The following PLEKHA8 variants were observed in gnomAD, a reference collection of about 807,000 sequenced individuals.
The protein encoded by PLEKHA8 is pleckstrin homology domain-containing family A member 8.
A neutral mutation model predicts 68.2 loss-of-function variants in PLEKHA8; 36 were observed. The observed-to-expected ratio is 0.53, with a 90% CI of 0.40 to 0.70. The LOEUF (loss-of-function observed/expected upper bound fraction) is 0.70. PLEKHA8 is among the 30% of genes least tolerant of loss of function. The probability of loss-of-function intolerance (pLI) is 0.00; values close to 1 mark genes in which losing one functional copy is unlikely to be tolerated. For missense variants in PLEKHA8, 505 were observed against 615.4 expected (o/e 0.82, Z 1.90); for synonymous variants, 211 against 216.1 (o/e 0.98, Z 0.20).
intron 1 of PLEKHA8, among the ~76,000 whole-genome samples, chr7:30,034,010 CTTTTTTTTTTTTTTTTTTT>C (rs56796780): frequency 1.0e-3 from 35 of 34,632 alleles, no homozygotes; most frequent in Non-Finnish European, 1.4e-3. Flanking sequence ...TAAGAGGTTT[CTTTTTTTTTTTTTTTTTTT>C]TTTTTTTTTT....
Position 30,083,056 on chromosome 7 carries a change from T to G in PLEKHA8, c.*4269T>G. 1 of 981,794 alleles carries G rather than the reference T, an allele frequency of 1.0e-6. No individual in the cohort carries two copies. The highest frequency in any genetic ancestry group is 1.2e-6 in the Non-Finnish European group (1 of 826,654). 60.8% of individuals were successfully genotyped at this position (981,794 alleles called of 1,614,324 possible). ...TTTAAGATAATCTATCAACCTTTTT[T>G]AAATTTTAAAATTTTTAGATGTAGA... On this transcript the variant is annotated 3_prime_UTR_variant, in exon 14 of 14. Coordinates refer to ENST00000449726, the MANE Select transcript of PLEKHA8 (RefSeq NM_001197026.2).
chr7:30,128,111 T>TA (rs1554283714), intron 13 of PLEKHA8, among the ~76,000 whole-genome samples: 3 of 124,980 alleles, frequency 2.4e-5, no homozygotes, highest in African/African-American at 8.5e-5. Context: ...TTTTTTTTTT[T>TA]ACTTATTTAT....
chr7:30,095,075 G>T (rs1335290493), downstream of PLEKHA8, among the ~76,000 whole-genome samples: 1 of 152,140 alleles, frequency 6.6e-6, no homozygotes, highest in Non-Finnish European at 1.5e-5. Flanking sequence ...GGTATTTCTA[G>T]TTCTAGATCC....
chr7:30,083,796 A>G lies in PLEKHA8; in HGVS notation c.*5009A>G, dbSNP rs1795059160. ...CTTGTTCTAAATAGTTCATATATTTAAAGTGTGGTCAGTATTTCCTCCCTG... is the reference window on the plus strand; with the variant it reads ...CTTGTTCTAAATAGTTCATATATTTGAAGTGTGGTCAGTATTTCCTCCCTG... On this transcript the variant is annotated 3_prime_UTR_variant, in exon 14 of 14. Transcript: ENST00000449726. 5 of 985,282 alleles carry G rather than the reference A, an allele frequency of 5.1e-6. No individual in the cohort carries two copies. In the Admixed American group the frequency reaches 2.5e-4, roughly 48 times the overall value. 61.0% of individuals were successfully genotyped at this position (985,282 alleles called of 1,614,324 possible). A position where few individuals can be genotyped will look rare whatever the true frequency, so the allele number is the denominator to read the frequency against.
chr7:30,052,982 G>A, intron 7 of PLEKHA8, 116 bp downstream of exon 7: 2 of 784,318 alleles, frequency 2.5e-6, no homozygotes, highest in Non-Finnish European at 3.9e-6. Flanking sequence ...TGTCTGCTAA[G>A]GAGGATATTG....
intron 13 of PLEKHA8, among the ~76,000 whole-genome samples, chr7:30,123,281 A>C (rs1420214259): frequency 6.6e-6 from 1 of 152,256 alleles, no homozygotes; most frequent in Non-Finnish European, 1.5e-5. Flanking sequence ...GGTCAAGGTC[A>C]CACAGTTAGG....
At chr7:30,094,863 T>A (rs994525176), downstream of PLEKHA8, among the ~76,000 whole-genome samples, 5 of 152,158 alleles carry the variant, frequency 3.3e-5, no homozygotes, top group Admixed American at 6.5e-5. Flanking sequence ...ATTCATCATT[T>A]TTTATGGCTG....
chr7:30,041,248 T>C (rs1479264557), intron 1 of PLEKHA8, among the ~76,000 whole-genome samples: 1 of 152,182 alleles, frequency 6.6e-6, no homozygotes, highest in Admixed American at 6.5e-5. Context: ...TGCAAGAATT[T>C]TGTGCTTATA....
chr7:30,116,207 T>C (rs1454616070), intron 13 of PLEKHA8, among the ~76,000 whole-genome samples: 1 of 150,450 alleles, frequency 6.6e-6, no homozygotes, highest in Non-Finnish European at 1.5e-5. Flanking sequence ...CACGTATACA[T>C]GTATACATAT....
At chr7:30,090,010 G>T (rs1210706582) in intron 12 of PLEKHA8, 2 of 708,660 alleles carry the variant, frequency 2.8e-6, no homozygotes, top group Non-Finnish European at 4.5e-6. Context: ...ATAAATGTAG[G>T]AGTATCGAGA....
At chr7:30,029,251 G>A (rs184240213) in intron 1 of PLEKHA8, among the ~76,000 whole-genome samples, 3 of 152,216 alleles carry the variant, frequency 2.0e-5, no homozygotes, top group African/African-American at 7.2e-5. Context: ...CTTTATCAAA[G>A]TCCTCAGTGC....
chr7:30,050,895 T>C (rs1410528750), intron 6 of PLEKHA8: 1 of 152,540 alleles, frequency 6.6e-6, no homozygotes, highest in Non-Finnish European at 1.5e-5. Context: ...TAACCTACTA[T>C]CAAAATCTAA....
chr7:30,115,949 CGCATACATGCAT>C (rs1415484527), intron 13 of PLEKHA8: 1 of 124,222 alleles, frequency 8.1e-6, no homozygotes, highest in Non-Finnish European at 1.8e-5. Flanking sequence ...TGCACACATA[CGCATACATGCAT>C]GCATACATGT....
chr7:30,035,478 A>G (rs967043840), intron 1 of PLEKHA8, among the ~76,000 whole-genome samples: 1 of 151,858 alleles, frequency 6.6e-6, no homozygotes, highest in Non-Finnish European at 1.5e-5. Flanking sequence ...TCAGCTTTCT[A>G]TTTGCAAATT....
At chr7:30,110,430 T>C (rs1796234383) in intron 13 of PLEKHA8, among the ~76,000 whole-genome samples, 1 of 152,240 alleles carries the variant, frequency 6.6e-6, no homozygotes, top group South Asian at 2.1e-4. Flanking sequence ...TTAATGAGCA[T>C]TTGGACTGTT....
Position 30,045,093 on chromosome 7 carries a change from C to G in PLEKHA8, c.49C>G (p.Pro17Ala). 6.2e-7 allele frequency: 1 copy of G among 1,600,684 alleles called. No homozygotes were observed. The highest frequency in any genetic ancestry group is 8.5e-7 in the Non-Finnish European group (1 of 1,175,100). ...CTTGCTTTTGTTTTCAGGTTGGCAG[C>G]CTCGATGGTTCCTTCTCTGTGGGGG... The part of the protein sequence containing the change: ...KWTNYLSGWQ[P>A]RWFLLCGGIL... The change falls in exon 2 of 14, where the codon CCT becomes GCT. Residue 17 changes from proline to alanine, a missense_variant. Pro to Ala is a conservative substitution (Grantham distance 27, BLOSUM62 -1). Coordinates refer to ENST00000449726, the MANE Select transcript of PLEKHA8 (RefSeq NM_001197026.2).
At chr7:30,098,634 G>A (rs1297232568) in intron 13 of PLEKHA8, among the ~76,000 whole-genome samples, 1 of 152,370 alleles carries the variant, frequency 6.6e-6, no homozygotes, top group East Asian at 1.9e-4. Context: ...TCCAAGCCAG[G>A]TGCGGGATAT....
At chr7:30,110,293 C>T (rs1796228509) in intron 13 of PLEKHA8, among the ~76,000 whole-genome samples, 1 of 152,176 alleles carries the variant, frequency 6.6e-6, no homozygotes, top group African/African-American at 2.4e-5. Flanking sequence ...TTATGTCTGG[C>T]TACTTTCACT....
intron 1 of PLEKHA8, among the ~76,000 whole-genome samples, chr7:30,039,380 T>C (rs1583778345): frequency 6.6e-6 from 1 of 152,196 alleles, no homozygotes; most frequent in East Asian, 1.9e-4. Context: ...CCGAGTGTGC[T>C]GGCGGGCGCC....
Sources: gnomAD v4.1 joint callset for allele counts (sites outside exome capture counted in the v4.1 genomes callset) on GRCh38, gnomAD v4.1.1 for gene constraint, MANE v1.5 for transcripts, NCBI Gene and HGNC (gene_info 2026-07-23, HGNC 2026-07-21) for gene names.